COL4A5: variants seen among roughly 807,000 people sequenced by gnomAD.
The protein encoded by COL4A5 is collagen alpha-5(IV) chain.
A neutral mutation model predicts 130.2 loss-of-function variants in COL4A5; 26 were observed. The observed-to-expected ratio is 0.20, with a 90% confidence interval of 0.15 to 0.28. COL4A5 has a LOEUF of 0.28. Ranked by LOEUF, COL4A5 falls within the 10% of genes least tolerant of loss-of-function variation. The probability of loss-of-function intolerance (pLI) is 1.00; values close to 1 mark genes in which losing one functional copy is unlikely to be tolerated. For synonymous variants in COL4A5, 496 were observed against 439.6 expected, an observed-to-expected ratio of 1.13 and a Z score of -1.60; for missense variants, 1,131 against 1,344.3, an observed-to-expected ratio of 0.84 and a Z score of 2.48.
Position 108,598,854 on chromosome X carries a change from C to T in COL4A5, c.1932C>T (p.Gly644=). The T allele has an allele frequency of 8.3e-7, 1 of 1,210,992 alleles. No individual in the cohort carries two copies. Among genetic ancestry groups the T allele is most frequent in the Non-Finnish European group, 1.1e-6 (1 of 895,127 alleles). Residue 644 remains glycine (G), a synonymous_variant, in exon 25 of 53, where the codon GGC becomes GGT. Transcript: ENST00000328300. ...KGIQGVAGNP[G]QPGIPGPKGD... is the part of the protein sequence containing the mutation. ...TACAAGGTGTGGCAGGAAATCCAGGCCAGCCAGGAATACCAGGTAAGTTTA... is the reference window on the plus strand; with the variant it reads ...TACAAGGTGTGGCAGGAAATCCAGGTCAGCCAGGAATACCAGGTAAGTTTA...
intron 8 of COL4A5, among the ~76,000 whole-genome samples, chrX:108,572,988 T>G: frequency 9.0e-6 from 1 of 111,384 alleles, no homozygotes; most frequent in African/African-American, 3.3e-5. Flanking sequence ...CTTTTGTATA[T>G]ATGGTTTACT....
chrX:108,652,788 G>T (rs754881821), intron 36 of COL4A5, among the ~76,000 whole-genome samples: 4 of 112,274 alleles, frequency 3.6e-5, no homozygotes, highest in Non-Finnish European at 5.6e-5. Context: ...CTTGAAAGCA[G>T]TTCTAATTTC....
At chrX:108,527,808 GCCTAA>G (rs2065341500) in intron 1 of COL4A5, among the ~76,000 whole-genome samples, 1 of 111,633 alleles carries the variant, frequency 9.0e-6, no homozygotes, top group Non-Finnish European at 1.9e-5. Flanking sequence ...CTGAGGTTGG[GCCTAA>G]ACTCCCAACC....
intron 36 of COL4A5, among the ~76,000 whole-genome samples, chrX:108,644,923 A>AC: frequency 1.1e-5 from 1 of 93,287 alleles, no homozygotes; most frequent in African/African-American, 6.0e-5. Context: ...CAACAACAAA[A>AC]AAAAAAAAAA....
intron 36 of COL4A5, among the ~76,000 whole-genome samples, chrX:108,631,230 A>G (rs937059311): frequency 8.9e-6 from 1 of 111,769 alleles, no homozygotes; most frequent in Admixed American, 9.5e-5. Flanking sequence ...CATTGAATCT[A>G]TAAATTACCT....
chrX:108,650,048 A>G (rs1185522030), intron 36 of COL4A5, among the ~76,000 whole-genome samples: 1 of 111,132 alleles, frequency 9.0e-6, no homozygotes, highest in African/African-American at 3.3e-5. Context: ...AACGAACTCA[A>G]ACAAATCAGT....
chrX:108,488,645 T>C (rs1475572536), intron 1 of COL4A5, among the ~76,000 whole-genome samples: 1 of 112,440 alleles, frequency 8.9e-6, no homozygotes, highest in Non-Finnish European at 1.9e-5. Context: ...TACTATGTTT[T>C]TAATATGCAT....
chrX:108,555,086 C>G, intron 2 of COL4A5, among the ~76,000 whole-genome samples: 1 of 112,050 alleles, frequency 8.9e-6, no homozygotes, highest in Non-Finnish European at 1.9e-5. Flanking sequence ...ATCAAGTTAA[C>G]CAGTTGACAA....
At chrX:108,570,485 G>A (rs2075125377) in intron 6 of COL4A5, among the ~76,000 whole-genome samples, 1 of 112,148 alleles carries the variant, frequency 8.9e-6, no homozygotes, top group Admixed American at 9.4e-5. Flanking sequence ...CCAATTATGT[G>A]AGTAACAAAT....
intron 4 of COL4A5, among the ~76,000 whole-genome samples, chrX:108,565,268 G>T (rs1603277892): frequency 9.0e-6 from 1 of 111,421 alleles, no homozygotes; most frequent in Middle Eastern, 4.6e-3. Flanking sequence ...GCAGAATTTT[G>T]AAGACATTAT....
intron 1 of COL4A5, among the ~76,000 whole-genome samples, chrX:108,528,796 G>A (rs1011310567): frequency 1.8e-5 from 2 of 112,197 alleles, no homozygotes; most frequent in Non-Finnish European, 3.8e-5. Context: ...AAGAATGAGC[G>A]AAGCTTTGTG....
intron 2 of COL4A5, among the ~76,000 whole-genome samples, chrX:108,541,907 C>T (rs1413345853): frequency 9.0e-6 from 1 of 111,364 alleles, no homozygotes; most frequent in Admixed American, 9.5e-5. Context: ...CCTACAATAT[C>T]CAGTATGCAA....
At chrX:108,513,704 A>G (rs1164952526) in intron 1 of COL4A5, among the ~76,000 whole-genome samples, 1 of 111,487 alleles carries the variant, frequency 9.0e-6, no homozygotes, top group Non-Finnish European at 1.9e-5. Flanking sequence ...CATATTAATA[A>G]TTGTATATTT....
At chrX:108,476,527 T>TC (rs1235386052) in intron 1 of COL4A5, among the ~76,000 whole-genome samples, 2 of 100,456 alleles carry the variant, frequency 2.0e-5, no homozygotes, top group East Asian at 6.1e-4. Context: ...TTCTTTTTTT[T>TC]TTTTTTTTTT....
Position 108,607,368 on chromosome X carries a change from C to A in COL4A5, c.2395+476C>A, listed in dbSNP as rs530567223. Reference sequence around the variant, plus strand: ...TTTGTCTCAAAAAAAAAAAAAAAAACAATCATATATGTTATAAAAGTAACA... The same window carrying A: ...TTTGTCTCAAAAAAAAAAAAAAAAAAAATCATATATGTTATAAAAGTAACA... On this transcript the variant is annotated intron_variant, in intron 29 of 52. Transcript: ENST00000328300. Among the ~76,000 whole-genome samples the A allele has an allele frequency of 7.8e-4, 73 of 94,074 alleles. 1 individual carries two copies. The South Asian group carries it at 0.012, about 16-fold the overall frequency. The allele number at this position is 94,074 out of a possible 115,157, so 81.7% of individuals were successfully genotyped here.
intron 3 of COL4A5, among the ~76,000 whole-genome samples, chrX:108,560,931 A>G (rs946560451): frequency 3.6e-5 from 4 of 111,289 alleles, no homozygotes; most frequent in African/African-American, 9.8e-5. Context: ...CGAGGCCAAA[A>G]TGGCTCCAAT....
chrX:108,648,458 T>C (rs776880613), intron 36 of COL4A5, among the ~76,000 whole-genome samples: 5 of 110,773 alleles, frequency 4.5e-5, no homozygotes, highest in African/African-American at 1.6e-4. Context: ...CAGACTGATA[T>C]CCTTGATTAA....
chrX:108,668,278 CTCGGTATTATTTATCTTCTAA>C lies in COL4A5; in HGVS notation c.3605-39_3605-19del. 1 of 1,148,312 alleles carries C rather than the reference CTCGGTATTATTTATCTTCTAA, an allele frequency of 8.7e-7. No homozygotes were observed. The highest frequency in any genetic ancestry group is 1.2e-6 in the Non-Finnish European group (1 of 839,041). 94.6% of individuals were successfully genotyped at this position (1,148,312 alleles called of 1,213,427 possible). ...GCTAACCTTATAAGCAAGCTTGTAA[CTCGGTATTATTTATCTTCTAA>C]TTATACTTTACTTTCATAGGCCAAA... On this transcript the variant is annotated intron_variant, in intron 40 of 52. Transcript: ENST00000328300.
chrX:108,461,150 T>C (rs1603247637), intron 1 of COL4A5, among the ~76,000 whole-genome samples: 1 of 111,823 alleles, frequency 8.9e-6, no homozygotes, highest in Non-Finnish European at 1.9e-5. Flanking sequence ...AGATTCATTT[T>C]CTGGGGCCTG....
Sources: gnomAD v4.1 joint callset for allele counts (sites outside exome capture counted in the v4.1 genomes callset) on GRCh38, gnomAD v4.1.1 for gene constraint, MANE v1.5 for transcripts, NCBI Gene and HGNC (gene_info 2026-07-23, HGNC 2026-07-21) for gene names.